KLHL8: variants seen among roughly 807,000 people sequenced by gnomAD.
The protein encoded by KLHL8 is kelch like family member 8.
A neutral mutation model predicts 63.5 loss-of-function variants in KLHL8; 38 were observed. The ratio of observed to expected loss-of-function variants is 0.60; its 90% confidence interval spans 0.46 to 0.78. The LOEUF (loss-of-function observed/expected upper bound fraction) is 0.78, where lower values mean the gene tolerates loss of function less well. Ranked by LOEUF, KLHL8 falls within the 30% of genes least tolerant of loss-of-function variation. KLHL8 has a pLI of 0.00. For synonymous variants in KLHL8, 224 were observed against 254.3 expected, an observed-to-expected ratio of 0.88 and a Z score of 1.13; for missense variants, 566 against 752.4, an observed-to-expected ratio of 0.75 and a Z score of 2.90.
intron 1 of KLHL8, among the ~76,000 whole-genome samples, chr4:87,213,024 T>C (rs1455131204): frequency 6.6e-6 from 1 of 152,242 alleles, no homozygotes; most frequent in South Asian, 2.1e-4. Flanking sequence ...TAAATACTAA[T>C]GTCATTTCTA....
At chr4:87,221,392 T>TAAAAAA (rs71660123), upstream of KLHL8, 30 of 86,988 alleles carry the variant, frequency 3.4e-4, no homozygotes, top group Middle Eastern at 8.8e-3. Flanking sequence ...AGACTCCGTC[T>TAAAAAA]AAAAAAAAAA....
At chr4:87,225,919 T>C (rs1732964980) in intron 1 of KLHL8, among the ~76,000 whole-genome samples, 1 of 152,188 alleles carries the variant, frequency 6.6e-6, no homozygotes, top group Non-Finnish European at 1.5e-5. Context: ...TCTAATCAGT[T>C]TCCATTTCCC....
upstream of KLHL8, among the ~76,000 whole-genome samples, chr4:87,224,238 C>T (rs567316780): frequency 6.6e-6 from 1 of 152,100 alleles, no homozygotes; most frequent in African/African-American, 2.4e-5. Context: ...GCATGAGCCA[C>T]CGCGCCGGCC....
chr4:87,183,459 G>A (rs1731131974), intron 3 of KLHL8, 70 bp from the exon 4 acceptor site: 2 of 1,227,386 alleles, frequency 1.6e-6, no homozygotes, highest in Admixed American at 5.0e-5. Flanking sequence ...TCTAAAAATT[G>A]TATCAAATAA....
intron 1 of KLHL8, among the ~76,000 whole-genome samples, chr4:87,217,299 A>AT (rs1264933682): frequency 6.6e-6 from 1 of 150,414 alleles, no homozygotes; most frequent in African/African-American, 2.4e-5. Flanking sequence ...ACATTTTGTT[A>AT]TTTTATGAAA....
intron 8 of KLHL8, among the ~76,000 whole-genome samples, chr4:87,168,376 C>T (rs970834127): frequency 3.3e-5 from 5 of 152,014 alleles, no homozygotes; most frequent in African/African-American, 1.2e-4. Context: ...TAAGGAACAG[C>T]GCTTGGTGTT....
At chr4:87,190,451 C>A (rs1344485003) in intron 2 of KLHL8, among the ~76,000 whole-genome samples, 1 of 152,050 alleles carries the variant, frequency 6.6e-6, no homozygotes, top group Non-Finnish European at 1.5e-5. Flanking sequence ...TCAAGACCAG[C>A]CTGGCCAACA....
intron 1 of KLHL8, among the ~76,000 whole-genome samples, chr4:87,236,884 G>A (rs895631163): frequency 6.6e-6 from 1 of 151,734 alleles, no homozygotes; most frequent in Admixed American, 6.6e-5. Flanking sequence ...GGCTGGTCTC[G>A]AACTCCTGAC....
intron 1 of KLHL8, among the ~76,000 whole-genome samples, chr4:87,214,932 G>A (rs1405564121): frequency 6.6e-6 from 1 of 152,018 alleles, no homozygotes; most frequent in Non-Finnish European, 1.5e-5. Context: ...TCAAGTAGCT[G>A]GGATTACAAC....
At chr4:87,198,136 T>G (rs946373054) in intron 1 of KLHL8, among the ~76,000 whole-genome samples, 1 of 151,500 alleles carries the variant, frequency 6.6e-6, no homozygotes, top group African/African-American at 2.4e-5. Context: ...CTGGCCAACA[T>G]GGCAAAACCC....
intron 1 of KLHL8, among the ~76,000 whole-genome samples, chr4:87,235,359 C>T (rs1034026849): frequency 1.3e-5 from 2 of 152,122 alleles, no homozygotes; most frequent in Admixed American, 1.3e-4. Context: ...AGTATTCAGT[C>T]CAGTAACATG....
intron 8 of KLHL8, among the ~76,000 whole-genome samples, chr4:87,167,931 G>C (rs1046485965): frequency 2.0e-5 from 3 of 152,184 alleles, no homozygotes; most frequent in African/African-American, 7.2e-5. Context: ...ACATAGCAAA[G>C]ACTATCCTTT....
At chr4:87,225,313 TAGTG>T (rs1732953828), upstream of KLHL8, among the ~76,000 whole-genome samples, 2 of 152,188 alleles carry the variant, frequency 1.3e-5, no homozygotes, top group South Asian at 4.1e-4. Flanking sequence ...AAGTAGCACT[TAGTG>T]AGCATTTTAA....
chr4:87,220,062 G>A (rs1294451736), intron 1 of KLHL8: 1 of 152,724 alleles, frequency 6.5e-6, no homozygotes, highest in Non-Finnish European at 1.5e-5. Flanking sequence ...CGAAAGACTG[G>A]GAGGAAGGAG....
intron 5 of KLHL8, among the ~76,000 whole-genome samples, chr4:87,178,073 T>C (rs1401137267): frequency 1.3e-5 from 2 of 152,278 alleles, no homozygotes; most frequent in South Asian, 4.1e-4. Context: ...CTTTTAGAGT[T>C]TTCTGACAAT....
intron 8 of KLHL8, among the ~76,000 whole-genome samples, chr4:87,168,754 ATG>A (rs947892758): frequency 2.3e-4 from 33 of 145,828 alleles, no homozygotes; most frequent in Middle Eastern, 3.6e-3. Flanking sequence ...ACGTGTATAT[ATG>A]TGTGTGTATA....
chr4:87,201,675 TGTA>T (rs1248834684), intron 1 of KLHL8, among the ~76,000 whole-genome samples: 1 of 152,168 alleles, frequency 6.6e-6, no homozygotes, highest in Non-Finnish European at 1.5e-5. Flanking sequence ...TTGTATAAAA[TGTA>T]GTCTCTGACC....
intron 1 of KLHL8, among the ~76,000 whole-genome samples, chr4:87,217,987 A>C: frequency 6.6e-6 from 1 of 152,214 alleles, no homozygotes. Flanking sequence ...TGATAAAAAC[A>C]AAAGGGTTAT....
intron 1 of KLHL8, among the ~76,000 whole-genome samples, chr4:87,208,922 T>C (rs1209932995): frequency 6.6e-6 from 1 of 152,182 alleles, no homozygotes; most frequent in East Asian, 1.9e-4. Context: ...TGAATTCAGA[T>C]TTGGATAGGA....
Sources: allele counts gnomAD v4.1 joint callset (sites outside exome capture counted in the v4.1 genomes callset), GRCh38; gene constraint gnomAD v4.1.1; transcripts MANE v1.5; gene names NCBI Gene and HGNC (gene_info 2026-07-23, HGNC 2026-07-21).